Variants in KSR1 observed in about 807,000 individuals in gnomAD.
KSR1 encodes kinase suppressor of ras.
Under a neutral mutation model 92.9 loss-of-function variants are expected in KSR1, and 35 were observed. The observed-to-expected ratio is 0.38, with a 90% CI of 0.29 to 0.50. KSR1 has a LOEUF of 0.50. KSR1 is among the 20% of genes least tolerant of loss of function. KSR1 has a pLI of 0.94. For synonymous variants in KSR1, 467 were observed against 472.6 expected, an observed-to-expected ratio of 0.99 and a Z score of 0.15; for missense variants, 972 against 1,158.5, an observed-to-expected ratio of 0.84 and a Z score of 2.34.
At chr17:27,516,631 A>T (rs551813485) in intron 1 of KSR1, among the ~76,000 whole-genome samples, 2 of 152,190 alleles carry the variant, frequency 1.3e-5, no homozygotes, top group African/African-American at 4.8e-5. Context: ...GAAAATTGAA[A>T]CACTCTTAAA....
intron 1 of KSR1, among the ~76,000 whole-genome samples, chr17:27,458,236 A>G (rs1237664415): frequency 6.6e-6 from 1 of 152,184 alleles, no homozygotes; most frequent in Non-Finnish European, 1.5e-5. Context: ...TTTTCCAAGT[A>G]TTGAGAGAAA....
At chr17:27,530,564 G>A (rs1247761918) in intron 1 of KSR1, among the ~76,000 whole-genome samples, 2 of 152,182 alleles carry the variant, frequency 1.3e-5, no homozygotes. Context: ...TCTACCGTGG[G>A]CTCCTGGACC....
rs995013757 is a variant in KSR1 at position 27,577,013 on chromosome 17, G to GT, written c.373-478dup. On this transcript the variant is annotated intron_variant, in intron 2 of 20. Transcript: ENST00000644974. The surrounding 1 kb of genome is among the most constrained non-coding windows in gnomAD (Gnocchi z 4.5). ...GTTTTGATAGAAATCAGGTGAGGCA[G>GT]TAAGTGCCTCTGCAGTGTTTGGTGA... 2.6e-5 allele frequency among the ~76,000 whole-genome samples: 4 copies of GT among 151,626 alleles called. No individual in the cohort carries two copies. Among genetic ancestry groups the GT allele is most frequent in the Non-Finnish European group, 5.9e-5 (4 of 67,958 alleles).
intron 13 of KSR1, 33 bp downstream of exon 13, chr17:27,604,761 C>G: frequency 2.5e-6 from 4 of 1,610,310 alleles, no homozygotes; most frequent in Non-Finnish European, 3.4e-6. Context: ...CACAGATGGC[C>G]CCCCCTCTTT....
chr17:27,464,068 T>G (rs2019568080), intron 1 of KSR1, among the ~76,000 whole-genome samples: 1 of 152,182 alleles, frequency 6.6e-6, no homozygotes, highest in East Asian at 1.9e-4. Context: ...CCCACACCCT[T>G]GATTAAGACA....
chr17:27,488,573 C>A lies in KSR1; in HGVS notation c.231+31699C>A, dbSNP rs944735447. On this transcript the variant is annotated intron_variant, in intron 1 of 20. Transcript: ENST00000644974. ...GTCCTATTAGCTGAGCATGGTGGCT[C>A]ACTTTGGGAGCACTTTGGGAGGCCA... 3.3e-5 allele frequency among the ~76,000 whole-genome samples: 5 copies of A among 152,174 alleles called. No homozygotes were observed. In the East Asian group the frequency reaches 9.6e-4, roughly 29 times the overall value.
chr17:27,549,684 A>T (rs917863813), intron 1 of KSR1, among the ~76,000 whole-genome samples: 1 of 152,170 alleles, frequency 6.6e-6, no homozygotes, highest in Non-Finnish European at 1.5e-5. Context: ...GCCTACTGGG[A>T]ATCCGAGTCC....
chr17:27,601,841 G>A, intron 11 of KSR1: 2 of 1,359,258 alleles, frequency 1.5e-6, no homozygotes, highest in Non-Finnish European at 2.1e-6. Context: ...CATTTGGGAA[G>A]GTCTGCGGGC....
chr17:27,503,985 A>G (rs941815255), intron 1 of KSR1, among the ~76,000 whole-genome samples: 9 of 152,216 alleles, frequency 5.9e-5, no homozygotes, highest in African/African-American at 2.2e-4. Flanking sequence ...AAGAAGAACA[A>G]AACAAGAAGT....
At chr17:27,494,551 C>T (rs2068922194) in intron 1 of KSR1, among the ~76,000 whole-genome samples, 1 of 152,114 alleles carries the variant, frequency 6.6e-6, no homozygotes, top group Admixed American at 6.5e-5. Flanking sequence ...CCCTCTGCCT[C>T]GACTTCAACA....
At chr17:27,501,655 C>T (rs1042709524) in intron 1 of KSR1, among the ~76,000 whole-genome samples, 6 of 152,210 alleles carry the variant, frequency 3.9e-5, no homozygotes, top group African/African-American at 7.2e-5. Flanking sequence ...TGCGCCACCA[C>T]GCCTGGCTAA....
At chr17:27,603,958 C>A in intron 12 of KSR1, 70 bp downstream of exon 12, 1 of 1,445,398 alleles carries the variant, frequency 6.9e-7, no homozygotes, top group Non-Finnish European at 9.7e-7. Flanking sequence ...ATATCCCTGG[C>A]CACCTCCCAC....
chr17:27,467,820 T>TG (rs1314390995), intron 1 of KSR1, among the ~76,000 whole-genome samples: 2 of 151,636 alleles, frequency 1.3e-5, no homozygotes, highest in Non-Finnish European at 3.0e-5. Flanking sequence ...TTTGTTTTTT[T>TG]TTTTTTTTGA....
chr17:27,553,303 T>C (rs1423316581), intron 2 of KSR1, among the ~76,000 whole-genome samples: 1 of 152,136 alleles, frequency 6.6e-6, no homozygotes, highest in East Asian at 1.9e-4. Context: ...CAGAGGCAGC[T>C]AGAGAGGCCT....
intron 1 of KSR1, among the ~76,000 whole-genome samples, chr17:27,467,818 T>TG (rs1275099470): frequency 2.6e-5 from 4 of 151,586 alleles, no homozygotes; most frequent in East Asian, 1.9e-4. Flanking sequence ...GTTTTGTTTT[T>TG]TTTTTTTTTT....
chr17:27,577,453 C>CT lies in KSR1; in HGVS notation c.373-38dup, dbSNP rs1271427780. The CT allele has an allele frequency of 1.5e-6, 2 of 1,311,250 alleles. No homozygotes were observed. The highest frequency in any genetic ancestry group is 2.9e-5 in the African/African-American group (2 of 68,536). The allele number at this position is 1,311,250 out of a possible 1,614,324, so 81.2% of individuals were successfully genotyped here. On this transcript the variant is annotated intron_variant, in intron 2 of 20. Transcript: ENST00000644974. This position sits in a 1 kb window ranked among gnomAD's most constrained non-coding sequence, Gnocchi z 4.5. ...GCTGAGGGGCTCCCGGCCCAGCCGA[C>CT]TGCTCACCGCCTCTCTGCCTGTCCC...
At chr17:27,520,233 T>C (rs150288047) in intron 1 of KSR1, among the ~76,000 whole-genome samples, 1 of 152,222 alleles carries the variant, frequency 6.6e-6, no homozygotes, top group Non-Finnish European at 1.5e-5. Flanking sequence ...TCTTTCCACC[T>C]TGCCATGAGA....
At chr17:27,503,211 A>C (rs750448060) in intron 1 of KSR1, among the ~76,000 whole-genome samples, 1 of 152,218 alleles carries the variant, frequency 6.6e-6, no homozygotes, top group Non-Finnish European at 1.5e-5. Context: ...GTTCTCAACT[A>C]GAGGTAATTT....
chr17:27,609,057 TTTC>T (rs2073844224), intron 15 of KSR1, 136 bp from the exon 16 acceptor site: 1 of 1,056,374 alleles, frequency 9.5e-7, no homozygotes, highest in Non-Finnish European at 1.3e-6. Context: ...TGAACCTCGA[TTTC>T]TTCTTCTGTA....
Sources: allele counts gnomAD v4.1 joint callset (sites outside exome capture counted in the v4.1 genomes callset), GRCh38; gene constraint gnomAD v4.1.1; non-coding constraint Gnocchi (gnomAD v3.1); transcripts MANE v1.5; gene names NCBI Gene and HGNC (gene_info 2026-07-23, HGNC 2026-07-21).